Variants in RBMS1 observed in about 807,000 individuals in gnomAD.
RBMS1 encodes RNA-binding motif, single-stranded-interacting protein 1.
A neutral mutation model predicts 62.3 loss-of-function variants in RBMS1; 17 were observed. The ratio of observed to expected loss-of-function variants is 0.27; its 90% confidence interval spans 0.19 to 0.41. RBMS1 has a LOEUF of 0.41. RBMS1 is among the 10% of genes least tolerant of loss of function. The probability of loss-of-function intolerance (pLI) is 1.00; values close to 1 mark genes in which losing one functional copy is unlikely to be tolerated. For missense variants in RBMS1, 334 were observed against 504.5 expected, an observed-to-expected ratio of 0.66 and a Z score of 3.24; for synonymous variants, 172 against 170.0, an observed-to-expected ratio of 1.01 and a Z score of -0.09.
intron 2 of RBMS1, among the ~76,000 whole-genome samples, chr2:160,361,743 A>G (rs898788428): frequency 6.6e-6 from 1 of 152,332 alleles, no homozygotes; most frequent in African/African-American, 2.4e-5. Context: ...ACTTGAGCCC[A>G]GGAGTTCAAG....
At chr2:160,325,371 CAGGACTGGCTTTAAAGCTT>C (rs1387610594) in intron 2 of RBMS1, among the ~76,000 whole-genome samples, 1 of 151,870 alleles carries the variant, frequency 6.6e-6, no homozygotes, top group Non-Finnish European at 1.5e-5. Context: ...AGGGGGTCGG[CAGGACTGGCTTTAAAGCTT>C]AAAAGGAATA....
At chr2:160,309,508 G>A (rs757791920) in intron 4 of RBMS1, among the ~76,000 whole-genome samples, 4 of 152,176 alleles carry the variant, frequency 2.6e-5, no homozygotes, top group Non-Finnish European at 4.4e-5. Context: ...CAAGAAGGCT[G>A]CTTCGAGGGG....
In RBMS1 at chr2:160,367,351, G is replaced by A; in HGVS notation, c.116C>T (p.Pro39Leu). ...VPAHPMAPPS[P>L]STTSSNNNSS... ...GTTGTTATTACTGCTGGTGGTGCTG[G>A]GACTGGGAGGGGCCATGGGGTGGGC... Residue 39 changes from proline to leucine, a missense_variant, in exon 2 of 14, where the codon CCC (proline) becomes CTC (leucine). By Grantham distance (98) the Pro-to-Leu change is moderately conservative (BLOSUM62 -3). This residue lies in a region of RBMS1 where 150 missense variants were observed against 228.0 expected (regional missense o/e 0.66). Coordinates refer to ENST00000348849, the MANE Select transcript of RBMS1 (RefSeq NM_016836.4). The A allele has an allele frequency of 1.9e-6, 3 of 1,613,990 alleles. No homozygotes were observed. Among genetic ancestry groups the A allele is most frequent in the Non-Finnish European group, 1.7e-6 (2 of 1,179,976 alleles).
intron 1 of RBMS1, among the ~76,000 whole-genome samples, chr2:160,411,165 G>A (rs1352477965): frequency 6.6e-6 from 1 of 152,144 alleles, no homozygotes; most frequent in African/African-American, 2.4e-5. Flanking sequence ...GCAACTGACA[G>A]GCCAGTGACC....
At chr2:160,330,548 A>G (rs1011916763) in intron 2 of RBMS1, among the ~76,000 whole-genome samples, 15 of 152,336 alleles carry the variant, frequency 9.8e-5, no homozygotes, top group African/African-American at 3.4e-4. Flanking sequence ...GGTCTTATAC[A>G]TAAGTTCCAA....
intron 2 of RBMS1, among the ~76,000 whole-genome samples, chr2:160,348,158 C>T (rs528753758): frequency 4.6e-5 from 7 of 152,140 alleles, no homozygotes; most frequent in African/African-American, 1.7e-4. Flanking sequence ...TATAAATCCA[C>T]CCCAAGCCAA....
At chr2:160,302,993 GATTT>G (rs1313455086) in intron 5 of RBMS1, among the ~76,000 whole-genome samples, 1 of 152,130 alleles carries the variant, frequency 6.6e-6, no homozygotes, top group Non-Finnish European at 1.5e-5. Flanking sequence ...AAAACATACT[GATTT>G]ATCTATTGAA....
intron 1 of RBMS1, among the ~76,000 whole-genome samples, chr2:160,391,764 G>A (rs1694875713): frequency 6.6e-6 from 1 of 152,102 alleles, no homozygotes; most frequent in Admixed American, 6.5e-5. Context: ...GACCACCTGA[G>A]GTCAGGAGTT....
chr2:160,314,595 G>A (rs566520773), intron 3 of RBMS1, among the ~76,000 whole-genome samples: 2 of 152,090 alleles, frequency 1.3e-5, no homozygotes, highest in Non-Finnish European at 2.9e-5. Flanking sequence ...GCCTGGTAAC[G>A]AAATAAGTTA....
intron 2 of RBMS1, among the ~76,000 whole-genome samples, chr2:160,339,897 C>G (rs1691779205): frequency 6.6e-6 from 1 of 152,158 alleles, no homozygotes; most frequent in Non-Finnish European, 1.5e-5. Context: ...CTATGTAACT[C>G]TATGTCCTCA....
At position 160,286,909 on chromosome 2, in the gene RBMS1, T is replaced by C. The variant is rs1231199620; in HGVS notation, c.756+60A>G. On this transcript the variant is annotated intron_variant, in intron 7 of 13. Coordinates refer to ENST00000348849, the MANE Select transcript of RBMS1 (RefSeq NM_016836.4). ...AGATGCCTTTTTGTGTTACTTTTCATGTGGGCATTCAAGATCACACCCCCT... is the reference window on the plus strand; with the variant it reads ...AGATGCCTTTTTGTGTTACTTTTCACGTGGGCATTCAAGATCACACCCCCT... 15 of 1,607,076 alleles carry C rather than the reference T, an allele frequency of 9.3e-6. No individual in the cohort carries two copies. In the East Asian group the frequency reaches 2.2e-4, roughly 24 times the overall value.
At chr2:160,443,784 G>T (rs1458965194) in intron 1 of RBMS1, among the ~76,000 whole-genome samples, 1 of 152,178 alleles carries the variant, frequency 6.6e-6, no homozygotes, top group East Asian at 1.9e-4. Context: ...GAATGGCCTA[G>T]CACAGTGTGC....
chr2:160,280,772 A>G (rs1310370102), intron 10 of RBMS1, among the ~76,000 whole-genome samples: 1 of 151,194 alleles, frequency 6.6e-6, no homozygotes, highest in Non-Finnish European at 1.5e-5. Context: ...GTGTCTTTGA[A>G]AAACACATGA....
chr2:160,372,367 C>T (rs903875537), intron 1 of RBMS1, among the ~76,000 whole-genome samples: 1 of 152,178 alleles, frequency 6.6e-6, no homozygotes, highest in African/African-American at 2.4e-5. Flanking sequence ...ACGACCACCA[C>T]CACCACCATC....
At chr2:160,477,665 A>G (rs776557596) in intron 1 of RBMS1, among the ~76,000 whole-genome samples, 33 of 152,258 alleles carry the variant, frequency 2.2e-4, no homozygotes, top group Non-Finnish European at 4.3e-4. Context: ...AGGTACTAAA[A>G]CCAGAAACTT....
At chr2:160,467,532 T>C (rs1274456735) in intron 1 of RBMS1, among the ~76,000 whole-genome samples, 1 of 152,194 alleles carries the variant, frequency 6.6e-6, no homozygotes, top group African/African-American at 2.4e-5. Context: ...ACTCATAATT[T>C]TCAATGTATG....
chr2:160,396,454 A>G (rs1290668955), intron 1 of RBMS1, among the ~76,000 whole-genome samples: 1 of 151,286 alleles, frequency 6.6e-6, no homozygotes, highest in African/African-American at 2.4e-5. Context: ...ACAAGGAAGG[A>G]TCCCAGGACT....
intron 2 of RBMS1, among the ~76,000 whole-genome samples, chr2:160,366,140 C>G (rs1693381520): frequency 6.6e-6 from 1 of 152,224 alleles, no homozygotes; most frequent in Admixed American, 6.5e-5. Flanking sequence ...CCACCCCTCC[C>G]CTTTCAAAAC....
At chr2:160,326,459 T>C (rs538488814) in intron 2 of RBMS1, among the ~76,000 whole-genome samples, 3 of 152,210 alleles carry the variant, frequency 2.0e-5, no homozygotes, top group South Asian at 2.1e-4. Context: ...AAAATCTAGG[T>C]GGGCTCTGTA....
Sources: allele counts gnomAD v4.1 joint callset (sites outside exome capture counted in the v4.1 genomes callset), GRCh38; gene constraint gnomAD v4.1.1; regional missense constraint gnomAD v4.1.1; transcripts MANE v1.5; gene names NCBI Gene and HGNC (gene_info 2026-07-23, HGNC 2026-07-21).